GLMN: variants seen among roughly 807,000 people sequenced by gnomAD.
The protein encoded by GLMN is glomulin.
Under a neutral mutation model 87.8 loss-of-function variants are expected in GLMN, and 75 were observed. The ratio of observed to expected loss-of-function variants is 0.85; its 90% CI spans 0.71 to 1.04. The LOEUF (loss-of-function observed/expected upper bound fraction) is 1.04, where lower values mean the gene tolerates loss of function less well. GLMN is among the 50% of genes least tolerant of loss of function. The pLI, the probability that GLMN is intolerant of heterozygous loss-of-function variation, is 0.00. For synonymous variants in GLMN, 206 were observed against 221.6 expected, an observed-to-expected ratio of 0.93 and a Z score of 0.63; for missense variants, 588 against 658.8, an observed-to-expected ratio of 0.89 and a Z score of 1.18.
At chr1:92,267,582 T>C (rs1467230129) in intron 11 of GLMN, among the ~76,000 whole-genome samples, 1 of 151,904 alleles carries the variant, frequency 6.6e-6, no homozygotes, top group East Asian at 1.9e-4. Flanking sequence ...CGGGCGCCTG[T>C]AGTCCCAGCT....
intron 16 of GLMN, among the ~76,000 whole-genome samples, chr1:92,259,424 G>A (rs1387228222): frequency 6.6e-6 from 1 of 152,192 alleles, no homozygotes; most frequent in African/African-American, 2.4e-5. Context: ...CAAGAGGCAT[G>A]AAATAGTAGG....
At chr1:92,286,902 G>A (rs922999356) in intron 6 of GLMN, among the ~76,000 whole-genome samples, 4 of 152,140 alleles carry the variant, frequency 2.6e-5, no homozygotes, top group African/African-American at 7.2e-5. Flanking sequence ...AGATGCCAGC[G>A]CCTTAATTGC....
the GLMN span, among the ~76,000 whole-genome samples, chr1:92,335,640 T>A: frequency 1.3e-5 from 2 of 152,172 alleles, no homozygotes; most frequent in Non-Finnish European, 2.9e-5. Context: ...CATGTTTTTA[T>A]AAAAATAGGA....
the GLMN span, among the ~76,000 whole-genome samples, chr1:92,361,104 C>T: frequency 0.01 from 516 of 50,888 alleles, 4 homozygotes; most frequent in African/African-American, 0.035. Flanking sequence ...TATATATATA[C>T]ACACACACAC....
chr1:92,283,791 T>G (rs1648383131), intron 7 of GLMN, among the ~76,000 whole-genome samples: 1 of 152,126 alleles, frequency 6.6e-6, no homozygotes, highest in Non-Finnish European at 1.5e-5. Flanking sequence ...ACAAAATCAA[T>G]GTGCAAAAAT....
intron 16 of GLMN, among the ~76,000 whole-genome samples, chr1:92,258,207 C>T (rs942493605): frequency 6.6e-6 from 1 of 152,120 alleles, no homozygotes; most frequent in East Asian, 1.9e-4. Flanking sequence ...AATGAGATAC[C>T]ATCTCATGCC....
chr1:92,255,743 T>C (rs1241200465), intron 16 of GLMN, among the ~76,000 whole-genome samples: 3 of 152,110 alleles, frequency 2.0e-5, no homozygotes, highest in Non-Finnish European at 4.4e-5. Flanking sequence ...TACCAGAATC[T>C]CTTGGACACA....
At chr1:92,265,424 A>G (rs1317229619) in intron 13 of GLMN, among the ~76,000 whole-genome samples, 1 of 152,166 alleles carries the variant, frequency 6.6e-6, no homozygotes, top group Non-Finnish European at 1.5e-5. Context: ...TATAATACCT[A>G]AGAATTGAGA....
chr1:92,314,991 A>G, the GLMN span, among the ~76,000 whole-genome samples: 1 of 150,940 alleles, frequency 6.6e-6, no homozygotes, highest in Admixed American at 6.6e-5. Context: ...GTTGCAGTGA[A>G]CCGAGATAGT....
At chr1:92,283,371 C>T (rs1055197591) in intron 7 of GLMN, among the ~76,000 whole-genome samples, 49 of 152,292 alleles carry the variant, frequency 3.2e-4, no homozygotes, top group African/African-American at 1.0e-3. Context: ...ACAAAAACCA[C>T]ATGATTATCT....
chr1:92,285,808 T>A (rs181206599), intron 7 of GLMN, among the ~76,000 whole-genome samples: 1 of 152,296 alleles, frequency 6.6e-6, no homozygotes, highest in East Asian at 1.9e-4. Context: ...TTCAGAAACA[T>A]CAACTTAAAA....
At chr1:92,305,904 A>G in the GLMN span, among the ~76,000 whole-genome samples, 1 of 152,202 alleles carries the variant, frequency 6.6e-6, no homozygotes, top group Non-Finnish European at 1.5e-5. Flanking sequence ...GTCTTTGCAC[A>G]TTCTCTATAA....
At chr1:92,369,437 T>C in the GLMN span, among the ~76,000 whole-genome samples, 1 of 152,290 alleles carries the variant, frequency 6.6e-6, no homozygotes, top group South Asian at 2.1e-4. Context: ...AGCCTCTTGT[T>C]GGGACTTCAG....
chr1:92,271,798 C>G (rs1656272918), intron 7 of GLMN, 146 bp from the exon 8 acceptor site: 2 of 652,358 alleles, frequency 3.1e-6, no homozygotes, highest in South Asian at 3.5e-5. Flanking sequence ...TGCTTTCAAC[C>G]AACAGAATGC....
intron 16 of GLMN, among the ~76,000 whole-genome samples, chr1:92,249,414 A>C (rs1284304433): frequency 2.0e-5 from 3 of 152,042 alleles, no homozygotes; most frequent in Non-Finnish European, 4.4e-5. Context: ...TAACCAGTGT[A>C]GCCACACAGT....
the GLMN span, chr1:92,333,255 C>G: frequency 1.1e-5 from 7 of 635,674 alleles, no homozygotes; most frequent in Admixed American, 1.1e-4. Context: ...AAATTTAAAT[C>G]TAATTCTCAA....
chr1:92,284,352 C>G (rs7527960), intron 7 of GLMN, among the ~76,000 whole-genome samples: 15,463 of 152,042 alleles, frequency 0.1, 2,346 homozygotes, highest in African/African-American at 0.34. Flanking sequence ...ACAAACCTGA[C>G]AAAAACAAGC....
intron 18 of GLMN, 124 bp downstream of exon 18, chr1:92,246,938 A>G: frequency 2.7e-6 from 2 of 741,168 alleles, no homozygotes; most frequent in Non-Finnish European, 4.9e-6. Context: ...TGGGTGGATC[A>G]CTTGAGCCCA....
At chr1:92,302,062 C>G (rs953810829), upstream of GLMN, among the ~76,000 whole-genome samples, 1 of 152,162 alleles carries the variant, frequency 6.6e-6, no homozygotes, top group Non-Finnish European at 1.5e-5. Flanking sequence ...AGGCGGATCA[C>G]TTGAGGTCAG....
Sources: allele counts gnomAD v4.1 joint callset (sites outside exome capture counted in the v4.1 genomes callset), GRCh38; gene constraint gnomAD v4.1.1; transcripts MANE v1.5; gene names NCBI Gene and HGNC (gene_info 2026-07-23, HGNC 2026-07-21).